DPP6: variants seen among roughly 807,000 people sequenced by gnomAD.
The protein encoded by DPP6 is dipeptidyl peptidase like 6.
A neutral mutation model predicts 122.6 loss-of-function variants in DPP6; 69 were observed. That is an observed-to-expected ratio of 0.56 (90% CI 0.46 to 0.69). DPP6 has a LOEUF of 0.69. Ranked by LOEUF, DPP6 falls within the 30% of genes least tolerant of loss-of-function variation. DPP6 has a pLI of 0.00. For synonymous variants in DPP6, 418 were observed against 433.1 expected, an observed-to-expected ratio of 0.97 and a Z score of 0.43; for missense variants, 928 against 1,116.9, an observed-to-expected ratio of 0.83 and a Z score of 2.41.
intron 1 of DPP6, among the ~76,000 whole-genome samples, chr7:154,061,828 C>A (rs548267614): frequency 1.5e-4 from 21 of 138,420 alleles, no homozygotes; most frequent in African/African-American, 2.7e-4. Flanking sequence ...CCCTCTTCCC[C>A]CCTTTGCTCT....
intron 1 of DPP6, among the ~76,000 whole-genome samples, chr7:153,987,920 G>A (rs1414291916): frequency 6.6e-6 from 1 of 152,118 alleles, no homozygotes; most frequent in Admixed American, 6.5e-5. Flanking sequence ...CTTTGTCACC[G>A]GCCAGTATGG....
chr7:154,177,222 G>A lies in DPP6; in HGVS notation c.243+124159G>A, dbSNP rs369271577. ...AGAAATATAGGCAGGTGCTGGCTAC[G>A]GATGCATAGAAATGGATGGCTTCAA... On this transcript the variant is annotated intron_variant, in intron 1 of 25. Coordinates refer to ENST00000377770, the MANE Select transcript of DPP6 (RefSeq NM_130797.4). Among the ~76,000 whole-genome samples the A allele has an allele frequency of 2.8e-4, 43 of 152,244 alleles. No homozygotes were observed. The East Asian group carries it at 5.0e-3, about 18-fold the overall frequency.
chr7:153,778,329 A>C, the DPP6 span, among the ~76,000 whole-genome samples: 1 of 152,076 alleles, frequency 6.6e-6, no homozygotes, highest in Non-Finnish European at 1.5e-5. Flanking sequence ...CATTACAAAT[A>C]TATACATATA....
At chr7:154,274,900 T>C (rs1804026240) in intron 1 of DPP6, among the ~76,000 whole-genome samples, 1 of 152,244 alleles carries the variant, frequency 6.6e-6, no homozygotes, top group Non-Finnish European at 1.5e-5. Context: ...GAGCCCTTCA[T>C]CTCCATCACT....
chr7:154,159,631 C>T (rs1465490023), intron 1 of DPP6, among the ~76,000 whole-genome samples: 5 of 152,282 alleles, frequency 3.3e-5, no homozygotes, highest in Admixed American at 2.0e-4. Flanking sequence ...TCCAGTCTGC[C>T]TCCCAGACAT....
chr7:154,396,909 C>T (rs535643379), intron 1 of DPP6, among the ~76,000 whole-genome samples: 4 of 152,112 alleles, frequency 2.6e-5, no homozygotes, highest in East Asian at 1.9e-4. Flanking sequence ...CGCGCCACTG[C>T]GCTCCAGCCT....
intron 1 of DPP6, among the ~76,000 whole-genome samples, chr7:154,444,419 C>T (rs55672938): frequency 0.21 from 31,750 of 151,738 alleles, 4,334 homozygotes; most frequent in African/African-American, 0.39. Context: ...GAGCCGAGAT[C>T]GCACCACTGT....
chr7:153,895,306 G>A (rs1799361343), intron 1 of DPP6, among the ~76,000 whole-genome samples: 1 of 152,138 alleles, frequency 6.6e-6, no homozygotes, highest in African/African-American at 2.4e-5. Flanking sequence ...GATTTGCAAT[G>A]GCCTCTGAGG....
At chr7:154,540,501 A>T (rs1459783314) in intron 3 of DPP6, 31 bp from the exon 4 acceptor site, 2 of 1,353,156 alleles carry the variant, frequency 1.5e-6, no homozygotes, top group East Asian at 2.3e-5. Context: ...TTGATGTTTC[A>T]TGTGGTTTTT....
chr7:154,581,883 GC>G (rs1486590397), intron 5 of DPP6, among the ~76,000 whole-genome samples: 3 of 152,132 alleles, frequency 2.0e-5, no homozygotes, highest in Admixed American at 6.5e-5. Context: ...CCTTCCACCT[GC>G]CTTCTCCTGC....
intron 1 of DPP6, among the ~76,000 whole-genome samples, chr7:153,998,767 G>A (rs1459957001): frequency 6.6e-6 from 1 of 152,096 alleles, no homozygotes; most frequent in Non-Finnish European, 1.5e-5. Flanking sequence ...TTATAGAATT[G>A]GCTACTCTGA....
rs567187512 is a variant in DPP6 at position 154,638,142 on chromosome 7, C to A, written c.680+269C>A. 2.3e-3 allele frequency among the ~76,000 whole-genome samples: 352 copies of A among 152,268 alleles called. 2 individuals are homozygous for A. Among genetic ancestry groups the A allele is most frequent in the African/African-American group, 7.9e-3 (330 of 41,554 alleles). ...TTCCTGTGCTGGTTCCTGCAGTTGA[C>A]CCTGGAGGTTCTTCAGAGCCGGACA... On this transcript the variant is annotated intron_variant, in intron 6 of 25. Coordinates refer to ENST00000377770, the MANE Select transcript of DPP6 (RefSeq NM_130797.4).
intron 16 of DPP6, among the ~76,000 whole-genome samples, chr7:154,819,955 G>T (rs1198125145): frequency 2.0e-5 from 3 of 152,234 alleles, no homozygotes; most frequent in Non-Finnish European, 2.9e-5. Flanking sequence ...GACAAAAGGA[G>T]ACTTGGCCAG....
At chr7:153,993,468 T>C (rs1797283204) in intron 1 of DPP6, among the ~76,000 whole-genome samples, 1 of 152,256 alleles carries the variant, frequency 6.6e-6, no homozygotes, top group South Asian at 2.1e-4. Flanking sequence ...CTTTAAATTA[T>C]ATTCTTGATG....
chr7:154,488,315 C>T (rs1262970443), intron 3 of DPP6, among the ~76,000 whole-genome samples: 1 of 151,904 alleles, frequency 6.6e-6, no homozygotes, highest in Non-Finnish European at 1.5e-5. Context: ...AGTGAAACCC[C>T]GTCTCTACTA....
intron 8 of DPP6, among the ~76,000 whole-genome samples, chr7:154,765,350 C>T (rs543063623): frequency 1.4e-4 from 22 of 152,298 alleles, no homozygotes; most frequent in African/African-American, 5.3e-4. Flanking sequence ...CACACACATG[C>T]GCACAACAGT....
At chr7:154,152,042 C>T (rs1416377326) in intron 1 of DPP6, among the ~76,000 whole-genome samples, 1 of 151,078 alleles carries the variant, frequency 6.6e-6, no homozygotes, top group Non-Finnish European at 1.5e-5. Flanking sequence ...TGAGCTTAGC[C>T]TGGGGTTCTC....
chr7:154,379,846 G>A (rs1234509736), intron 1 of DPP6, among the ~76,000 whole-genome samples: 1 of 152,076 alleles, frequency 6.6e-6, no homozygotes, highest in African/African-American at 2.4e-5. Context: ...TGCCAATATT[G>A]GGTCAAAATA....
intron 1 of DPP6, among the ~76,000 whole-genome samples, chr7:154,121,589 C>T (rs1355423403): frequency 6.6e-6 from 1 of 152,180 alleles, no homozygotes; most frequent in South Asian, 2.1e-4. Context: ...TTCCAGTTTT[C>T]CATCTGTTAC....
Sources: allele counts gnomAD v4.1 joint callset (sites outside exome capture counted in the v4.1 genomes callset), GRCh38; gene constraint gnomAD v4.1.1; transcripts MANE v1.5; gene names NCBI Gene and HGNC (gene_info 2026-07-23, HGNC 2026-07-21).